TASP1: variants seen among roughly 807,000 people sequenced by gnomAD.
TASP1 encodes threonine aspartase 1.
TASP1 carries 16 observed loss-of-function variants against 56.6 expected under a neutral mutation model. The observed-to-expected ratio is 0.28, with a 90% CI of 0.19 to 0.43. The LOEUF is 0.43. TASP1 is among the 20% of genes least tolerant of loss of function. The probability of loss-of-function intolerance (pLI) is 1.00; values close to 1 mark genes in which losing one functional copy is unlikely to be tolerated. For missense variants in TASP1, 393 were observed against 511.6 expected (o/e 0.77, Z 2.24); for synonymous variants, 179 against 184.2 (o/e 0.97, Z 0.23).
the TASP1 span, among the ~76,000 whole-genome samples, chr20:13,289,164 A>G: frequency 6.6e-6 from 1 of 152,208 alleles, no homozygotes; most frequent in Non-Finnish European, 1.5e-5. Context: ...CTTATGCACA[A>G]TTGCAGTGGC....
chr20:13,437,791 A>C (rs986969843), intron 11 of TASP1, among the ~76,000 whole-genome samples: 17 of 152,240 alleles, frequency 1.1e-4, no homozygotes, highest in African/African-American at 2.9e-4. Flanking sequence ...ACCTAGGAAT[A>C]CAACTTACAA....
chr20:13,402,308 G>A (rs566348936), intron 13 of TASP1, among the ~76,000 whole-genome samples: 33 of 152,350 alleles, frequency 2.2e-4, no homozygotes, highest in African/African-American at 7.2e-4. Flanking sequence ...ACTTGAGGCT[G>A]AGGAAACTGT....
chr20:13,121,242 A>T, the TASP1 span, among the ~76,000 whole-genome samples: 8 of 152,102 alleles, frequency 5.3e-5, no homozygotes, highest in African/African-American at 1.7e-4. Flanking sequence ...TAGCCCTTGT[A>T]ACTGATAGGT....
chr20:13,255,925 G>GT, the TASP1 span, among the ~76,000 whole-genome samples: 263 of 147,888 alleles, frequency 1.8e-3, no homozygotes, highest in Middle Eastern at 6.9e-3. Context: ...AGTTCCTGGG[G>GT]TTTTTTTTTT....
At chr20:13,233,595 CA>C in the TASP1 span, among the ~76,000 whole-genome samples, 256 of 63,738 alleles carry the variant, frequency 4.0e-3, no homozygotes, top group Middle Eastern at 0.02. Context: ...AACTCCATCT[CA>C]AAAAAAAAAA....
At chr20:13,460,941 T>C (rs76778794) in intron 11 of TASP1, among the ~76,000 whole-genome samples, 5,690 of 152,172 alleles carry the variant, frequency 0.037, 134 homozygotes, top group African/African-American at 0.059. Context: ...GGCCAATTTA[T>C]CTTCTCAAAA....
intron 4 of TASP1, among the ~76,000 whole-genome samples, chr20:13,588,685 C>T (rs150071939): frequency 6.6e-6 from 1 of 152,216 alleles, no homozygotes; most frequent in Admixed American, 6.5e-5. Flanking sequence ...AGGTGGAAAA[C>T]ATTCTATGTA....
the TASP1 span, among the ~76,000 whole-genome samples, chr20:13,304,392 C>T: frequency 3.3e-5 from 5 of 152,154 alleles, no homozygotes; most frequent in African/African-American, 9.7e-5. Context: ...CCACTGTCTT[C>T]CACATTGTAC....
At chr20:13,378,623 T>G in the TASP1 span, among the ~76,000 whole-genome samples, 1 of 152,198 alleles carries the variant, frequency 6.6e-6, no homozygotes, top group African/African-American at 2.4e-5. Flanking sequence ...GAGTCCTGAA[T>G]ATCCTTGTTA....
At chr20:13,457,594 T>TTTTTTTTATTTTTTTTTTTA (rs2146329053) in intron 11 of TASP1, among the ~76,000 whole-genome samples, 1 of 152,208 alleles carries the variant, frequency 6.6e-6, no homozygotes, top group South Asian at 2.1e-4. Flanking sequence ...TTAATGCTTT[T>TTTTTTTTATTTTTTTTTTTA]TTTCTTTTTA....
chr20:13,524,752 C>T (rs2044906508), intron 10 of TASP1, among the ~76,000 whole-genome samples: 1 of 152,148 alleles, frequency 6.6e-6, no homozygotes, highest in Non-Finnish European at 1.5e-5. Flanking sequence ...CCATGTAATC[C>T]TCCAGGCATT....
At chr20:13,178,220 G>A in the TASP1 span, among the ~76,000 whole-genome samples, 1 of 152,068 alleles carries the variant, frequency 6.6e-6, no homozygotes, top group East Asian at 1.9e-4. Context: ...TCTCACCCCA[G>A]TTAAGATGAC....
At chr20:13,533,253 C>G (rs1382818812) in intron 9 of TASP1, among the ~76,000 whole-genome samples, 1 of 152,092 alleles carries the variant, frequency 6.6e-6, no homozygotes, top group Non-Finnish European at 1.5e-5. Context: ...TTAAATGAAC[C>G]CTTGCAACTA....
chr20:13,622,251 T>C (rs1462005249), intron 4 of TASP1, among the ~76,000 whole-genome samples: 1 of 152,214 alleles, frequency 6.6e-6, no homozygotes, highest in South Asian at 2.1e-4. Flanking sequence ...TGGGAATTAC[T>C]ATCCTCATAA....
chr20:13,370,437 T>C, the TASP1 span, among the ~76,000 whole-genome samples: 1 of 152,140 alleles, frequency 6.6e-6, no homozygotes, highest in Non-Finnish European at 1.5e-5. Flanking sequence ...AACAGCTATA[T>C]ACATAAAAAG....
At chr20:13,426,228 A>G (rs990585879) in intron 12 of TASP1, among the ~76,000 whole-genome samples, 2 of 152,230 alleles carry the variant, frequency 1.3e-5, no homozygotes, top group Admixed American at 1.3e-4. Context: ...AAAACCATTC[A>G]GTAAAACAAG....
At chr20:13,258,233 G>A in the TASP1 span, among the ~76,000 whole-genome samples, 19 of 152,058 alleles carry the variant, frequency 1.2e-4, no homozygotes, top group Non-Finnish European at 1.5e-5. Flanking sequence ...TTGCTGTCTA[G>A]CTTCTGATTG....
At chr20:13,474,499 T>C (rs1047964983) in intron 11 of TASP1, among the ~76,000 whole-genome samples, 1 of 152,234 alleles carries the variant, frequency 6.6e-6, no homozygotes, top group Non-Finnish European at 1.5e-5. Flanking sequence ...TATTCCATGG[T>C]GTGTATATAC....
At chr20:13,540,215 ATACT>A (rs1297680577) in intron 8 of TASP1, among the ~76,000 whole-genome samples, 1 of 152,214 alleles carries the variant, frequency 6.6e-6, no homozygotes, top group East Asian at 1.9e-4. Context: ...TCCTATCAAA[ATACT>A]TACAGAACAC....
Sources: gnomAD v4.1 joint callset for allele counts (sites outside exome capture counted in the v4.1 genomes callset) on GRCh38, gnomAD v4.1.1 for gene constraint, MANE v1.5 for transcripts, NCBI Gene and HGNC (gene_info 2026-07-23, HGNC 2026-07-21) for gene names.